Variants in FLI1 observed in about 807,000 individuals in gnomAD.
FLI1 encodes the protein Fli-1 proto-oncogene, ETS transcription factor, also known as Friend leukemia integration 1 transcription factor.
A neutral mutation model predicts 53.1 loss-of-function variants in FLI1; 13 were observed. The observed-to-expected ratio is 0.24, with a 90% CI of 0.16 to 0.39. FLI1 has a LOEUF of 0.39. FLI1 is among the 10% of genes least tolerant of loss of function. FLI1 has a pLI of 1.00. For synonymous variants in FLI1, 244 were observed against 236.7 expected, an observed-to-expected ratio of 1.03 and a Z score of -0.28; for missense variants, 424 against 600.5, an observed-to-expected ratio of 0.71 and a Z score of 3.07.
chr11:128,702,861 C>G (rs1276377943), intron 1 of FLI1, among the ~76,000 whole-genome samples: 1 of 69,244 alleles, frequency 1.4e-5, no homozygotes, highest in East Asian at 4.8e-4. Context: ...GATTCTGTCT[C>G]AAAGAAAAAA....
chr11:128,797,846 CA>C (rs532750445), intron 5 of FLI1, among the ~76,000 whole-genome samples: 189 of 152,114 alleles, frequency 1.2e-3, no homozygotes, highest in Non-Finnish European at 2.4e-3. Context: ...GCGAGGGACA[CA>C]AGCGTACAAA....
At chr11:128,727,137 A>C (rs1178177892) in intron 1 of FLI1, among the ~76,000 whole-genome samples, 1 of 152,142 alleles carries the variant, frequency 6.6e-6, no homozygotes, top group Non-Finnish European at 1.5e-5. Flanking sequence ...TAGATTTTGG[A>C]AGGAGCACAC....
At chr11:128,806,309 T>A (rs41302399) in intron 6 of FLI1, 23,401 of 152,080 alleles carry the variant, frequency 0.15, 2,120 homozygotes, top group African/African-American at 0.26. Flanking sequence ...AACTCCTTTC[T>A]TCTGGTTGGT....
In FLI1 at chr11:128,811,051, A is replaced by G. The variant is rs1942925182; in HGVS notation, c.*63A>G. The G allele has an allele frequency of 6.8e-7, 1 of 1,479,692 alleles. No homozygotes were observed. The highest frequency in any genetic ancestry group is 1.4e-5 in the African/African-American group (1 of 71,940). The allele number at this position is 1,479,692 out of a possible 1,614,324, so 91.7% of individuals were successfully genotyped here. A position where few individuals can be genotyped will look rare whatever the true frequency, so the allele number is the denominator to read the frequency against. On this transcript the variant is annotated 3_prime_UTR_variant, in exon 9 of 9. Transcript: ENST00000527786. ...CCTGCACACTTACTGGATGCTTTGG[A>G]CTCAACAGGACATATGTGGCCTTGA...
At chr11:128,789,428 G>A (rs528203071) in intron 5 of FLI1, among the ~76,000 whole-genome samples, 1 of 152,326 alleles carries the variant, frequency 6.6e-6, no homozygotes, top group African/African-American at 2.4e-5. Context: ...TGGGCATGGA[G>A]CTGAAATAAG....
intron 6 of FLI1, chr11:128,805,732 C>T: frequency 3.5e-6 from 1 of 288,688 alleles, no homozygotes; most frequent in South Asian, 8.1e-5. Context: ...CTGGGTTTTG[C>T]TTTTGTTATT....
chr11:128,703,610 C>A (rs141474111), intron 1 of FLI1, among the ~76,000 whole-genome samples: 1 of 151,922 alleles, frequency 6.6e-6, no homozygotes, highest in Non-Finnish European at 1.5e-5. Flanking sequence ...TTTGGGAGGC[C>A]GAGGCTAGCA....
Position 128,811,384 on chromosome 11 carries a change from A to T in FLI1, c.*396A>T. 3.7e-6 allele frequency: 1 copy of T among 268,746 alleles called. No homozygotes were observed. Among genetic ancestry groups the T allele is most frequent in the South Asian group, 9.8e-5 (1 of 10,154 alleles). 16.6% of individuals were successfully genotyped at this position (268,746 alleles called of 1,614,324 possible). On this transcript the variant is annotated 3_prime_UTR_variant, in exon 9 of 9. Coordinates refer to ENST00000527786, the MANE Select transcript of FLI1 (RefSeq NM_002017.5). ...AGTATGACACAGAATCATGGACTTAACCCGTCATGTTCTGGTTTGAGATTT... is the reference window on the plus strand; with the variant it reads ...AGTATGACACAGAATCATGGACTTATCCCGTCATGTTCTGGTTTGAGATTT...
At chr11:128,777,261 G>A (rs1033823402) in intron 4 of FLI1, among the ~76,000 whole-genome samples, 1 of 152,322 alleles carries the variant, frequency 6.6e-6, no homozygotes, top group Non-Finnish European at 1.5e-5. Flanking sequence ...CCCGGGGGAG[G>A]TGGGGAGGCA....
intron 1 of FLI1, among the ~76,000 whole-genome samples, chr11:128,734,137 G>T: frequency 6.6e-6 from 1 of 152,226 alleles, no homozygotes; most frequent in South Asian, 2.1e-4. Context: ...GATTTGACTT[G>T]GTTAAAAGCG....
Position 128,749,673 on chromosome 11 carries a change from T to C in FLI1, c.19-8442T>C, listed in dbSNP as rs11221456. Reference sequence around the variant, plus strand: ...GAGGCAAAGATAAGAAATATTCTGATGGTCATTTTGAGAAAATGCGACTGT... The same window carrying C: ...GAGGCAAAGATAAGAAATATTCTGACGGTCATTTTGAGAAAATGCGACTGT... On this transcript the variant is annotated intron_variant, in intron 1 of 8. Coordinates refer to ENST00000527786, the MANE Select transcript of FLI1 (RefSeq NM_002017.5). 9.9e-3 allele frequency among the ~76,000 whole-genome samples: 1,512 copies of C among 152,384 alleles called. 33 individuals are homozygous for C. The highest frequency in any genetic ancestry group is 0.035 in the African/African-American group (1,445 of 41,590).
intron 1 of FLI1, among the ~76,000 whole-genome samples, chr11:128,720,017 G>A (rs747079747): frequency 3.3e-5 from 5 of 152,062 alleles, no homozygotes; most frequent in South Asian, 2.1e-4. Context: ...AATTTAAAAC[G>A]TATAGAAAAT....
intron 2 of FLI1, among the ~76,000 whole-genome samples, chr11:128,760,219 A>G (rs924690863): frequency 1.6e-4 from 24 of 152,226 alleles, no homozygotes; most frequent in African/African-American, 5.3e-4. Context: ...AGAAGTAGTT[A>G]CTGTAACTTC....
At chr11:128,742,962 C>G (rs1940202242) in intron 1 of FLI1, among the ~76,000 whole-genome samples, 1 of 152,082 alleles carries the variant, frequency 6.6e-6, no homozygotes, top group South Asian at 2.1e-4. Context: ...CACAGTTTCC[C>G]AAGAGAGAAA....
At chr11:128,727,752 G>C (rs1247380105) in intron 1 of FLI1, among the ~76,000 whole-genome samples, 1 of 152,180 alleles carries the variant, frequency 6.6e-6, no homozygotes, top group Non-Finnish European at 1.5e-5. Flanking sequence ...GTTGAGAAGA[G>C]ATGCGTGCAA....
chr11:128,787,913 TCTC>T (rs1942144153), intron 5 of FLI1, among the ~76,000 whole-genome samples: 1 of 151,386 alleles, frequency 6.6e-6, no homozygotes, highest in African/African-American at 2.4e-5. Context: ...TTCACGCCAT[TCTC>T]CTGCCTCAGC....
At chr11:128,807,016 C>A in intron 6 of FLI1, 164 bp from the exon 7 acceptor site, 1 of 417,066 alleles carries the variant, frequency 2.4e-6, no homozygotes, top group Admixed American at 4.4e-5. Flanking sequence ...GAGAACAGGG[C>A]CAGCACATAG....
rs1214415135 is a variant in FLI1 at position 128,776,864 on chromosome 11, G to A, written c.589+3879G>A. Among the ~76,000 whole-genome samples, 6 of 152,302 alleles carry A rather than the reference G, an allele frequency of 3.9e-5. No individual in the cohort carries two copies. In the South Asian group the frequency reaches 1.0e-3, roughly 26 times the overall value. On this transcript the variant is annotated intron_variant, in intron 4 of 8. Coordinates refer to ENST00000527786, the MANE Select transcript of FLI1 (RefSeq NM_002017.5). ...CCCTGGAGACAGCAAGCCAGCCTGCGCCACACAGGCAAGGCAGCCTCACTC... is the reference window on the plus strand; with the variant it reads ...CCCTGGAGACAGCAAGCCAGCCTGCACCACACAGGCAAGGCAGCCTCACTC...
chr11:128,732,875 G>C (rs1000105875), intron 1 of FLI1, among the ~76,000 whole-genome samples: 1 of 152,178 alleles, frequency 6.6e-6, no homozygotes, highest in Non-Finnish European at 1.5e-5. Context: ...GAGGTTTGTG[G>C]CAGAGAAAGA....
Sources: allele counts gnomAD v4.1 joint callset (sites outside exome capture counted in the v4.1 genomes callset), GRCh38; gene constraint gnomAD v4.1.1; transcripts MANE v1.5; gene names NCBI Gene and HGNC (gene_info 2026-07-23, HGNC 2026-07-21).